The following SLCO5A1 variants were observed in gnomAD, a reference collection of about 807,000 sequenced individuals.
The protein encoded by SLCO5A1 is solute carrier organic anion transporter family member 5A1.
Under a neutral mutation model 65.1 loss-of-function variants are expected in SLCO5A1, and 39 were observed. That is an observed-to-expected ratio of 0.60 (90% CI 0.46 to 0.78). SLCO5A1 has a LOEUF of 0.78. SLCO5A1 is among the 30% of genes least tolerant of loss of function. SLCO5A1 has a pLI of 0.00. For missense variants in SLCO5A1, 1,029 were observed against 1,069.4 expected (o/e 0.96, Z 0.53); for synonymous variants, 438 against 415.7 (o/e 1.05, Z -0.65).
chr8:69,712,302 C>T (rs1250829706), intron 5 of SLCO5A1, among the ~76,000 whole-genome samples: 1 of 152,204 alleles, frequency 6.6e-6, no homozygotes, highest in Non-Finnish European at 1.5e-5. Flanking sequence ...TATGCCACAA[C>T]ATTCGATTTT....
At chr8:69,773,059 C>A (rs1818404515) in intron 2 of SLCO5A1, 4 of 705,924 alleles carry the variant, frequency 5.7e-6, no homozygotes, top group Non-Finnish European at 7.0e-6. Flanking sequence ...AAAGGCTGAG[C>A]AGCACACATG....
chr8:69,803,563 C>G (rs1819854158), intron 2 of SLCO5A1, among the ~76,000 whole-genome samples: 1 of 152,210 alleles, frequency 6.6e-6, no homozygotes, highest in Non-Finnish European at 1.5e-5. Flanking sequence ...GCCTTGTTAC[C>G]AAACCAGGGA....
chr8:69,818,303 C>A (rs887264494), intron 2 of SLCO5A1, among the ~76,000 whole-genome samples: 3 of 152,212 alleles, frequency 2.0e-5, no homozygotes, highest in Non-Finnish European at 4.4e-5. Flanking sequence ...TGAAAAGGGC[C>A]AAATATCTCT....
At chr8:69,730,917 T>C (rs991149387) in intron 5 of SLCO5A1, among the ~76,000 whole-genome samples, 1 of 152,030 alleles carries the variant, frequency 6.6e-6, no homozygotes, top group Non-Finnish European at 1.5e-5. Flanking sequence ...TTCAAGCATG[T>C]GAGATGGCTT....
chr8:69,797,891 C>T (rs1221965857), intron 2 of SLCO5A1, among the ~76,000 whole-genome samples: 1 of 152,146 alleles, frequency 6.6e-6, no homozygotes, highest in Non-Finnish European at 1.5e-5. Flanking sequence ...TATCTTATTA[C>T]CTTGTGAAGC....
At chr8:69,676,459 C>G in intron 9 of SLCO5A1, 150 bp downstream of exon 9, 1 of 524,478 alleles carries the variant, frequency 1.9e-6, no homozygotes, top group Non-Finnish European at 3.3e-6. Flanking sequence ...TAGTTCAAAT[C>G]AGAAAACAAG....
At chr8:69,756,036 C>CT (rs33960552) in intron 3 of SLCO5A1, among the ~76,000 whole-genome samples, 8 of 151,994 alleles carry the variant, frequency 5.3e-5, no homozygotes, top group East Asian at 1.9e-4. Context: ...CCAATATAGA[C>CT]TTTTTTTTGT....
chr8:69,788,099 GA>G (rs952297915), intron 2 of SLCO5A1, among the ~76,000 whole-genome samples: 5 of 151,878 alleles, frequency 3.3e-5, no homozygotes, highest in Admixed American at 2.6e-4. Flanking sequence ...AGATTTAAAA[GA>G]AAAAAATCAC....
chr8:69,770,185 C>T (rs1818256106), intron 2 of SLCO5A1, among the ~76,000 whole-genome samples: 1 of 152,156 alleles, frequency 6.6e-6, no homozygotes, highest in Non-Finnish European at 1.5e-5. Context: ...TTATCTTATA[C>T]TTCATAGTCA....
At chr8:69,728,772 A>G (rs1042354638) in intron 5 of SLCO5A1, among the ~76,000 whole-genome samples, 1 of 152,218 alleles carries the variant, frequency 6.6e-6, no homozygotes, top group Non-Finnish European at 1.5e-5. Context: ...ATCATTAAAC[A>G]AAAGAGATAA....
chr8:69,824,433 G>A (rs1052085825), intron 2 of SLCO5A1, among the ~76,000 whole-genome samples: 102 of 152,198 alleles, frequency 6.7e-4, no homozygotes, highest in African/African-American at 2.3e-3. Flanking sequence ...AATAAAAAAT[G>A]ATAAAGGGGA....
At position 69,833,017 on chromosome 8, in the gene SLCO5A1, C is replaced by T. The variant is rs111791604; in HGVS notation, c.-344G>A. The stretch of plus-strand genomic sequence containing the variant: ...CCTCCGCCGCCGCCGCCGCCGCCGC[C>T]GCTGGGCCCGCGGCCAGGAGCGAGT... On this transcript the variant is annotated 5_prime_UTR_variant, in exon 2 of 10. Coordinates refer to ENST00000260126, the MANE Select transcript of SLCO5A1 (RefSeq NM_030958.3). 6.5e-6 allele frequency: 2 copies of T among 306,532 alleles called. No homozygotes were observed. The highest frequency in any genetic ancestry group is 1.1e-4 in the South Asian group (2 of 18,944). The allele number at this position is 306,532 out of a possible 1,614,324, so 19.0% of individuals were successfully genotyped here. A position where few individuals can be genotyped will look rare whatever the true frequency, so the allele number is the denominator to read the frequency against.
Position 69,814,812 on chromosome 8 carries a change from C to CCA in SLCO5A1, c.907+16953_907+16954dup, listed in dbSNP as rs1421819193. ...AAATGAATGGATATAGAAAACTATT[C>CCA]CACCTTAAAAAAAAGAAGGAAATTC... On this transcript the variant is annotated intron_variant, in intron 2 of 9. Transcript: ENST00000260126. 2.6e-5 allele frequency among the ~76,000 whole-genome samples: 4 copies of CCA among 151,162 alleles called. No homozygotes were observed. In the East Asian group the frequency reaches 7.7e-4, roughly 29 times the overall value.
chr8:69,751,373 G>T (rs189159846), intron 4 of SLCO5A1, among the ~76,000 whole-genome samples: 3 of 151,892 alleles, frequency 2.0e-5, no homozygotes, highest in Non-Finnish European at 4.4e-5. Flanking sequence ...TCCCCTTTGC[G>T]GTGTCTTAAA....
chr8:69,755,768 T>A, intron 3 of SLCO5A1, 127 bp from the exon 4 acceptor site: 2 of 733,342 alleles, frequency 2.7e-6, no homozygotes, highest in Non-Finnish European at 2.2e-6. Context: ...TGTAAAGCAG[T>A]AGGAAGTTGA....
At chr8:69,781,164 C>G (rs1431986461) in intron 2 of SLCO5A1, among the ~76,000 whole-genome samples, 1 of 152,234 alleles carries the variant, frequency 6.6e-6, no homozygotes, top group East Asian at 1.9e-4. Flanking sequence ...CCTTCCAGGT[C>G]AACAGGCATC....
chr8:69,788,006 G>A (rs1385435002), intron 2 of SLCO5A1, among the ~76,000 whole-genome samples: 7 of 151,974 alleles, frequency 4.6e-5, no homozygotes, highest in South Asian at 2.1e-4. Context: ...TTCTTTTACC[G>A]GCTTTCTCAT....
At position 69,676,653 on chromosome 8, in the gene SLCO5A1, C is replaced by A; in HGVS notation, c.2045G>T (p.Arg682Ile). Residue 682 changes from arginine to isoleucine, a missense_variant, in exon 9 of 10, where the codon AGA (arginine) becomes ATA (isoleucine). Around this residue, in one of 3 missense-constraint regions of SLCO5A1, gnomAD observed 258 missense variants for 237.4 expected, o/e 1.09. Coordinates refer to ENST00000260126, the MANE Select transcript of SLCO5A1 (RefSeq NM_030958.3). ...AAACTGCATTCCCAGTGCAAAAGGTCTCTCCTCATCTTCTACGGACCTACA... is the reference window on the plus strand; with the variant it reads ...AAACTGCATTCCCAGTGCAAAAGGTATCTCCTCATCTTCTACGGACCTACA... ...VTLRSVEDEE[R>I]PFALGMQFVL... 6.2e-7 allele frequency: 1 copy of A among 1,612,182 alleles called. No homozygotes were observed. Among genetic ancestry groups the A allele is most frequent in the South Asian group, 1.1e-5 (1 of 90,740 alleles).
chr8:69,765,401 T>TATATATATAC (rs918909833), intron 2 of SLCO5A1, among the ~76,000 whole-genome samples: 188 of 149,716 alleles, frequency 1.3e-3, no homozygotes, highest in African/African-American at 4.4e-3. Flanking sequence ...TATATATATA[T>TATATATATAC]ACACACACAC....
Sources: allele counts gnomAD v4.1 joint callset (sites outside exome capture counted in the v4.1 genomes callset), GRCh38; gene constraint gnomAD v4.1.1; regional missense constraint gnomAD v4.1.1; transcripts MANE v1.5; gene names NCBI Gene and HGNC (gene_info 2026-07-23, HGNC 2026-07-21).